The following UBR1 variants were observed in gnomAD, a reference collection of about 807,000 sequenced individuals.
UBR1 encodes the protein ubiquitin protein ligase E3 component n-recognin 1.
In UBR1, 102 loss-of-function variants were observed where a neutral mutation model predicts 242.1. That is an observed-to-expected ratio of 0.42 (90% CI 0.36 to 0.50). UBR1 has a LOEUF of 0.50. Among genes scored for constraint, UBR1 ranks in the 20% least tolerant of loss-of-function variants. The probability of loss-of-function intolerance (pLI) is 0.01; values close to 1 mark genes in which losing one functional copy is unlikely to be tolerated. For missense variants in UBR1, 1,772 were observed against 2,101.8 expected (o/e 0.84, Z 3.07); for synonymous variants, 675 against 684.8 (o/e 0.99, Z 0.22).
Position 43,059,696 on chromosome 15 carries a change from G to C in UBR1, c.985+6C>G, listed in dbSNP as rs963978350. 2 of 1,613,652 alleles carry C rather than the reference G, an allele frequency of 1.2e-6. No homozygotes were observed. Among genetic ancestry groups the C allele is most frequent in the Admixed American group, 3.3e-5 (2 of 60,000 alleles). On this transcript the variant is annotated splice_donor_region_variant and intron_variant, in intron 8 of 46. Transcript: ENST00000290650. ...CAGAAACAAGAAAAACAGGAGGTAT[G>C]CTTACTTGAATAGCTCATAATTTTG...
chr15:43,043,289 C>G lies in UBR1; in HGVS notation c.1775G>C (p.Ser592Thr). Residue 592 changes from serine (S) to threonine (T), a missense_variant, in exon 15 of 47, where the codon AGT (serine) becomes ACT (threonine). By Grantham distance (58) the Ser-to-Thr change is moderately conservative (BLOSUM62 1). Around this residue, in one of 3 missense-constraint regions of UBR1, gnomAD observed 734 missense variants for 893.3 expected, o/e 0.82. Transcript: ENST00000290650. The stretch of plus-strand genomic sequence containing the variant: ...TACTCTGTAGGACTTTGTTTCCAAA[C>G]TATGTCCACACGATTGTACTACTGT... ...SKTVVQSCGH[S>T]LETKSYRVSE... The G allele has an allele frequency of 6.2e-7, 1 of 1,614,084 alleles. No homozygotes were observed. The highest frequency in any genetic ancestry group is 8.5e-7 in the Non-Finnish European group (1 of 1,180,008).
chr15:43,054,855 A>C lies in UBR1; in HGVS notation c.1326T>G (p.Thr442=), dbSNP rs773008060. Residue 442 remains threonine, a synonymous_variant, in exon 12 of 47, where the codon ACT becomes ACG. Coordinates refer to ENST00000290650, the MANE Select transcript of UBR1 (RefSeq NM_174916.3). ...CAGGTAAAACTTCTAGCAGAGTTTC[A>C]GTAATGACAGAGATAACATTCTGCT... ...IEEQNVISVI[T]ETLLEVLPEY... is the part of the protein sequence containing the mutation. 5.8e-5 allele frequency: 93 copies of C among 1,614,070 alleles called. No homozygotes were observed. The highest frequency in any genetic ancestry group is 7.6e-5 in the Non-Finnish European group (90 of 1,180,026).
At chr15:43,007,344 T>C (rs2032848993) in intron 29 of UBR1, 60 bp from the exon 30 acceptor site, 6 of 1,517,878 alleles carry the variant, frequency 4.0e-6, no homozygotes, top group East Asian at 4.5e-5. Context: ...CTTCATATTT[T>C]GGTAGATTTT....
intron 40 of UBR1, among the ~76,000 whole-genome samples, chr15:42,968,117 CT>C (rs1230615466): frequency 3.9e-5 from 6 of 152,152 alleles, no homozygotes; most frequent in African/African-American, 1.4e-4. Context: ...GTATGGATCA[CT>C]GTAAAAGGAC....
Position 43,008,342 on chromosome 15 carries a change from G to A in UBR1, c.3210-1058C>T, listed in dbSNP as rs748683936. Among the ~76,000 whole-genome samples the A allele has an allele frequency of 6.6e-5, 10 of 152,394 alleles. No individual in the cohort carries two copies. In the South Asian group the frequency reaches 8.3e-4, roughly 13 times the overall value. ...ACTCCCAATGCCCGCTCCGATTTTG[G>A]AGCAAAGCTGTGGCCAAGCCCAGGC... is the stretch of plus-strand genomic sequence containing the variant. On this transcript the variant is annotated intron_variant, in intron 29 of 46. Transcript: ENST00000290650.
At chr15:43,064,575 A>G (rs1228205455) in intron 6 of UBR1, among the ~76,000 whole-genome samples, 1 of 145,902 alleles carries the variant, frequency 6.9e-6, no homozygotes, top group African/African-American at 2.5e-5. Context: ...CCTATCTTAC[A>G]TCTTTTTTTT....
At chr15:42,983,224 A>G (rs538428771) in intron 37 of UBR1, among the ~76,000 whole-genome samples, 1 of 152,336 alleles carries the variant, frequency 6.6e-6, no homozygotes, top group East Asian at 1.9e-4. Context: ...ATATTTTAAA[A>G]TGATCTATCC....
intron 1 of UBR1, among the ~76,000 whole-genome samples, chr15:43,103,566 C>G (rs2034263689): frequency 6.6e-6 from 1 of 152,158 alleles, no homozygotes; most frequent in South Asian, 2.1e-4. Flanking sequence ...TAAGCAATGG[C>G]TTTTATCAAT....
At chr15:43,055,818 G>T (rs1032782234) in intron 11 of UBR1, among the ~76,000 whole-genome samples, 2 of 152,132 alleles carry the variant, frequency 1.3e-5, no homozygotes, top group African/African-American at 4.8e-5. Context: ...GGGTGGCTGA[G>T]GCATGAGAAT....
chr15:43,044,252 G>A (rs930671811), intron 14 of UBR1, among the ~76,000 whole-genome samples: 3 of 152,330 alleles, frequency 2.0e-5, no homozygotes, highest in Non-Finnish European at 4.4e-5. Flanking sequence ...ACTGCTTCAG[G>A]AAGAATTAAT....
chr15:43,036,450 T>G, intron 18 of UBR1, 78 bp downstream of exon 18: 1 of 1,286,882 alleles, frequency 7.8e-7, no homozygotes, highest in Non-Finnish European at 1.1e-6. Context: ...TAAAAATTAT[T>G]ACATTATCTT....
intron 21 of UBR1, among the ~76,000 whole-genome samples, chr15:43,029,125 GCACACA>G (rs144923922): frequency 6.6e-6 from 1 of 150,956 alleles, no homozygotes; most frequent in Non-Finnish European, 1.5e-5. Context: ...ACACACACAC[GCACACA>G]CACACACATC....
At chr15:42,994,375 C>G (rs1340759342) in intron 33 of UBR1, among the ~76,000 whole-genome samples, 2 of 66,052 alleles carry the variant, frequency 3.0e-5, no homozygotes, top group African/African-American at 1.2e-4. Context: ...CAGCAAGACG[C>G]TGTCTCAAAA....
intron 25 of UBR1, among the ~76,000 whole-genome samples, chr15:43,024,223 G>C (rs1395785767): frequency 6.6e-6 from 1 of 152,160 alleles, no homozygotes; most frequent in Non-Finnish European, 1.5e-5. Context: ...GGCAATGACA[G>C]CATTTAGAAC....
chr15:42,978,656 A>G (rs1389904128), intron 37 of UBR1, among the ~76,000 whole-genome samples: 2 of 152,196 alleles, frequency 1.3e-5, no homozygotes, highest in African/African-American at 4.8e-5. Context: ...TCAACATCAC[A>G]TAAATAAAGC....
At position 42,964,023 on chromosome 15, in the gene UBR1, T is replaced by G. The variant is rs201384130; in HGVS notation, c.4612A>C (p.Ser1538Arg). 1.9e-4 allele frequency: 310 copies of G among 1,612,646 alleles called. 2 individuals carry two copies. The South Asian group carries it at 2.0e-3, about 10-fold the overall frequency. ...LHTNSAEGEY[S>R]ALCSYLSLPT... The stretch of plus-strand genomic sequence containing the variant: ...AAAGATAGATAGCTACAGAGTGCAC[T>G]GTACTCTCCTTCTGCAGAATCTGCA... The change falls in exon 42 of 47, where the codon AGT (serine) becomes CGT (arginine). Residue 1538 changes from serine to arginine, a missense_variant. By Grantham distance (110) the Ser-to-Arg change is moderately radical. Around this residue, in one of 3 missense-constraint regions of UBR1, gnomAD observed 965 missense variants for 1,079.7 expected, o/e 0.89. Coordinates refer to ENST00000290650, the MANE Select transcript of UBR1 (RefSeq NM_174916.3).
At position 42,984,963 on chromosome 15, in the gene UBR1, A is replaced by C. The variant is rs558470901; in HGVS notation, c.3998-21T>G. The C allele has an allele frequency of 3.2e-6, 5 of 1,548,324 alleles. 1 individual carries two copies. The East Asian group carries it at 1.1e-4, about 35-fold the overall frequency. The stretch of plus-strand genomic sequence containing the variant: ...ATTTTCTCAAAGAATAAAAAAAAAT[A>C]AAAATAATAAATCCTGAATAGTGCT... On this transcript the variant is annotated intron_variant, in intron 35 of 46. Coordinates refer to ENST00000290650, the MANE Select transcript of UBR1 (RefSeq NM_174916.3).
chr15:42,958,274 A>G (rs1339438181), intron 43 of UBR1, among the ~76,000 whole-genome samples, 184 bp from the exon 44 acceptor site: 1 of 152,234 alleles, frequency 6.6e-6, no homozygotes, highest in Non-Finnish European at 1.5e-5. Flanking sequence ...ATCTTTCATC[A>G]GCTGGATTCC....
At chr15:43,065,884 G>A (rs898078587) in intron 6 of UBR1, among the ~76,000 whole-genome samples, 1 of 152,018 alleles carries the variant, frequency 6.6e-6, no homozygotes, top group South Asian at 2.1e-4. Flanking sequence ...TTCATCAGAT[G>A]GACAAATTGC....
Sources: gnomAD v4.1 joint callset for allele counts (sites outside exome capture counted in the v4.1 genomes callset) on GRCh38, gnomAD v4.1.1 for gene constraint, gnomAD v4.1.1 regional missense constraint, MANE v1.5 for transcripts, NCBI Gene and HGNC (gene_info 2026-07-23, HGNC 2026-07-21) for gene names.